Variants in ADARB2 observed in about 807,000 individuals in gnomAD.
The protein encoded by ADARB2 is adenosine deaminase RNA specific B2 (inactive), also known as inactive double-stranded RNA-specific editase B2.
Under a neutral mutation model 62.2 loss-of-function variants are expected in ADARB2, and 25 were observed. That is an observed-to-expected ratio of 0.40 (90% CI 0.29 to 0.56). The LOEUF is 0.56. ADARB2 is among the 20% of genes least tolerant of loss of function. The probability of loss-of-function intolerance (pLI) is 0.43; values close to 1 mark genes in which losing one functional copy is unlikely to be tolerated. For synonymous variants in ADARB2, 572 were observed against 500.8 expected (o/e 1.14, Z -1.90); for missense variants, 1,071 against 1,077.4 (o/e 0.99, Z 0.08).
At chr10:1,437,249 TATACAC>T (rs201799498) in intron 1 of ADARB2, among the ~76,000 whole-genome samples, 672 of 6,202 alleles carry the variant, frequency 0.11, 3 homozygotes, top group Middle Eastern at 0.2. Flanking sequence ...CACACATATA[TATACAC>T]ACACACACAC....
intron 1 of ADARB2, among the ~76,000 whole-genome samples, chr10:1,669,390 A>G (rs1045220674): frequency 6.6e-6 from 1 of 152,144 alleles, no homozygotes; most frequent in East Asian, 1.9e-4. Context: ...GTGTGAAAGC[A>G]GCACACACAT....
intron 1 of ADARB2, among the ~76,000 whole-genome samples, chr10:1,608,774 G>GAGAAAGAAAGAAAGAAAGAAAGAAAA (rs1833528582): frequency 7.2e-6 from 1 of 139,418 alleles, no homozygotes; most frequent in African/African-American, 2.9e-5. Context: ...GAAAGAGAAA[G>GAGAAAGAAAGAAAGAAAGAAAGAAAA]AGAAAGAAAG....
intron 1 of ADARB2, among the ~76,000 whole-genome samples, chr10:1,711,861 T>C (rs12219445): frequency 0.14 from 21,476 of 152,222 alleles, 1,771 homozygotes; most frequent in Admixed American, 0.22. Context: ...TTCCAGGTTC[T>C]AGTAGAATTC....
chr10:1,270,146 C>T (rs1170428883), intron 4 of ADARB2, among the ~76,000 whole-genome samples: 2 of 152,196 alleles, frequency 1.3e-5, no homozygotes, highest in Non-Finnish European at 2.9e-5. Flanking sequence ...GGAGAGGACC[C>T]TGCTGGCCCA....
Position 1,262,291 on chromosome 10 carries a change from A to G in ADARB2, c.1192+8664T>C, listed in dbSNP as rs1347496706. ...CATGTACCCTAAAACTTAAAGTATA[A>G]TAATAATAATAATAATAATAATAAT... On this transcript the variant is annotated intron_variant, in intron 4 of 9. Transcript: ENST00000381312. 2.4e-4 allele frequency among the ~76,000 whole-genome samples: 27 copies of G among 112,448 alleles called. No homozygotes were observed. The East Asian group carries it at 5.3e-3, about 22-fold the overall frequency. 73.8% of individuals were successfully genotyped at this position (112,448 alleles called of 152,430 possible). A position where few individuals can be genotyped will look rare whatever the true frequency, so the allele number is the denominator to read the frequency against.
intron 1 of ADARB2, among the ~76,000 whole-genome samples, chr10:1,726,927 C>T (rs946057811): frequency 7.2e-5 from 11 of 152,160 alleles, no homozygotes; most frequent in South Asian, 2.1e-4. Context: ...ACAGAGACCA[C>T]GGAGAAGGCA....
intron 1 of ADARB2, among the ~76,000 whole-genome samples, chr10:1,687,967 AC>A (rs1419339761): frequency 3.9e-5 from 6 of 152,244 alleles, no homozygotes; most frequent in African/African-American, 1.4e-4. Flanking sequence ...TTCACAGCCT[AC>A]TTTTAAAGGC....
rs74109506 is a variant in ADARB2, at chr10:1,705,052, C to T, written c.100+31999G>A. Among the ~76,000 whole-genome samples, 559 of 152,128 alleles carry T rather than the reference C, an allele frequency of 3.7e-3. 4 individuals carry two copies. The highest frequency in any genetic ancestry group is 0.013 in the African/African-American group (539 of 41,506). ...TGTGAAAAAAATTGCAGCTGAAATC[C>T]CATAATTTCATTAAAAAAATAAAGA... is the stretch of plus-strand genomic sequence containing the variant. On this transcript the variant is annotated intron_variant, in intron 1 of 9. Transcript: ENST00000381312.
intron 1 of ADARB2, among the ~76,000 whole-genome samples, chr10:1,382,552 A>G (rs1832492420): frequency 6.6e-6 from 1 of 152,220 alleles, no homozygotes. Context: ...GTTTCCTCGG[A>G]ACTCATTGTC....
At chr10:1,247,688 G>A (rs560394735) in intron 4 of ADARB2, among the ~76,000 whole-genome samples, 1 of 152,142 alleles carries the variant, frequency 6.6e-6, no homozygotes, top group African/African-American at 2.4e-5. Context: ...AAACAGAAAC[G>A]GCACCAACCA....
chr10:1,723,885 A>G (rs985162504), intron 1 of ADARB2, among the ~76,000 whole-genome samples: 3 of 152,200 alleles, frequency 2.0e-5, no homozygotes, highest in African/African-American at 7.2e-5. Context: ...GTGATGCTAC[A>G]GGGATGAAGG....
chr10:1,268,758 G>T (rs1298849451), intron 4 of ADARB2, among the ~76,000 whole-genome samples: 1 of 152,174 alleles, frequency 6.6e-6, no homozygotes, highest in Non-Finnish European at 1.5e-5. Flanking sequence ...TTATTCTTCA[G>T]CATTCAGAAG....
intron 8 of ADARB2, among the ~76,000 whole-genome samples, chr10:1,185,655 T>C (rs73588411): frequency 0.022 from 3,281 of 152,314 alleles, 111 homozygotes; most frequent in African/African-American, 0.074. Context: ...AAGAATTTCA[T>C]GATGACAGTG....
At chr10:1,644,401 T>C (rs567379295) in intron 1 of ADARB2, among the ~76,000 whole-genome samples, 1 of 152,366 alleles carries the variant, frequency 6.6e-6, no homozygotes, top group South Asian at 2.1e-4. Flanking sequence ...AAACAAACTA[T>C]TTTTAGCTGC....
intron 1 of ADARB2, among the ~76,000 whole-genome samples, chr10:1,400,623 C>T (rs942933511): frequency 6.6e-6 from 1 of 152,182 alleles, no homozygotes; most frequent in Non-Finnish European, 1.5e-5. Context: ...CAGTAAAGCA[C>T]CCTGAGCTAC....
At chr10:1,612,628 C>T (rs11250665) in intron 1 of ADARB2, among the ~76,000 whole-genome samples, 20,780 of 152,170 alleles carry the variant, frequency 0.14, 1,726 homozygotes, top group South Asian at 0.3. Flanking sequence ...AGTGATAGAG[C>T]CAATATCGCA....
At chr10:1,553,344 G>T (rs1170946915) in intron 1 of ADARB2, among the ~76,000 whole-genome samples, 1 of 152,092 alleles carries the variant, frequency 6.6e-6, no homozygotes, top group African/African-American at 2.4e-5. Context: ...AACTCTTCTG[G>T]CACCGGGCGC....
At chr10:1,339,712 G>T (rs1263758317) in intron 3 of ADARB2, among the ~76,000 whole-genome samples, 1 of 152,196 alleles carries the variant, frequency 6.6e-6, no homozygotes, top group Non-Finnish European at 1.5e-5. Context: ...GTGTGGGGCT[G>T]CTCTGGCCCC....
intron 2 of ADARB2, among the ~76,000 whole-genome samples, chr10:1,367,092 A>G (rs1479628092): frequency 7.2e-6 from 1 of 138,820 alleles, no homozygotes; most frequent in Non-Finnish European, 1.7e-5. Context: ...AATAATAAAA[A>G]CATACATTTC....
Sources: allele counts gnomAD v4.1 joint callset (sites outside exome capture counted in the v4.1 genomes callset), GRCh38; gene constraint gnomAD v4.1.1; transcripts MANE v1.5; gene names NCBI Gene and HGNC (gene_info 2026-07-23, HGNC 2026-07-21).